Variants in EDAR observed in about 807,000 individuals in gnomAD.
EDAR encodes ectodysplasin A receptor.
Under a neutral mutation model 51.3 loss-of-function variants are expected in EDAR, and 38 were observed. That is an observed-to-expected ratio of 0.74 (90% confidence interval 0.57 to 0.97). EDAR has a LOEUF of 0.97. EDAR is among the 50% of genes least tolerant of loss of function. The pLI is 0.00. For missense variants in EDAR, 528 were observed against 595.0 expected (o/e 0.89, Z 1.17); for synonymous variants, 227 against 242.1 (o/e 0.94, Z 0.58).
intron 1 of EDAR, among the ~76,000 whole-genome samples, chr2:108,968,603 A>G (rs758703934): frequency 4.1e-4 from 62 of 152,204 alleles, no homozygotes; most frequent in Non-Finnish European, 7.4e-4. Flanking sequence ...CCTCCTGATC[A>G]CAGGCATGGT....
At chr2:108,986,357 G>A (rs1239353302) in intron 1 of EDAR, among the ~76,000 whole-genome samples, 2 of 152,110 alleles carry the variant, frequency 1.3e-5, no homozygotes, top group African/African-American at 2.4e-5. Flanking sequence ...GGGCTGACAC[G>A]ACCCTGGGAA....
chr2:108,949,253 A>G (rs1697776812), intron 1 of EDAR, among the ~76,000 whole-genome samples: 1 of 152,194 alleles, frequency 6.6e-6, no homozygotes, highest in African/African-American at 2.4e-5. Context: ...AAGTGCTAGG[A>G]TTACAGGTGT....
At chr2:108,944,162 G>A (rs1697667906) in intron 1 of EDAR, among the ~76,000 whole-genome samples, 1 of 152,168 alleles carries the variant, frequency 6.6e-6, no homozygotes. Flanking sequence ...CAGCCAGGCT[G>A]GAGTGCAGTG....
At chr2:108,964,465 T>C (rs1165717530) in intron 1 of EDAR, among the ~76,000 whole-genome samples, 2 of 151,906 alleles carry the variant, frequency 1.3e-5, no homozygotes, top group African/African-American at 4.8e-5. Flanking sequence ...ACCCAAAATA[T>C]GAGAAATAAA....
intron 4 of EDAR, among the ~76,000 whole-genome samples, chr2:108,927,011 C>G (rs866953335): frequency 6.6e-6 from 1 of 152,194 alleles, no homozygotes; most frequent in African/African-American, 2.4e-5. Context: ...GCAGCATGAG[C>G]CCCTGAGAGG....
At chr2:108,909,622 G>T (rs1179329885) in intron 9 of EDAR, among the ~76,000 whole-genome samples, 1 of 152,230 alleles carries the variant, frequency 6.6e-6, no homozygotes, top group African/African-American at 2.4e-5. Context: ...CCTGGCAGGG[G>T]GGTCCGAGCA....
intron 4 of EDAR, 74 bp downstream of exon 4, chr2:108,929,124 A>G: frequency 6.4e-7 from 1 of 1,567,742 alleles, no homozygotes; most frequent in Admixed American, 1.7e-5. Context: ...CCTGTTCCCA[A>G]GGTCCTTGCC....
chr2:108,911,766 T>C (rs1696932961), intron 6 of EDAR, among the ~76,000 whole-genome samples: 1 of 151,926 alleles, frequency 6.6e-6, no homozygotes, highest in South Asian at 2.1e-4. Flanking sequence ...ACCACCCAAA[T>C]AGACAGGAGA....
At chr2:108,963,788 C>T (rs914702931) in intron 1 of EDAR, among the ~76,000 whole-genome samples, 2 of 152,218 alleles carry the variant, frequency 1.3e-5, no homozygotes, top group African/African-American at 4.8e-5. Context: ...CAAAGAGGGA[C>T]CCTTCCATCT....
chr2:108,979,454 GTC>G (rs1286163002), intron 1 of EDAR, among the ~76,000 whole-genome samples: 1 of 116,382 alleles, frequency 8.6e-6, no homozygotes, highest in African/African-American at 4.0e-5. Flanking sequence ...CTCTGTCTCT[GTC>G]TCTCTCTCTC....
chr2:108,910,905 GA>G, intron 7 of EDAR, 41 bp downstream of exon 7: 1 of 1,613,968 alleles, frequency 6.2e-7, no homozygotes, highest in South Asian at 1.1e-5. Flanking sequence ...GGAGTTGACG[GA>G]GAGTCCAGGA....
chr2:108,960,789 G>A (rs564864884), intron 1 of EDAR, among the ~76,000 whole-genome samples: 6 of 152,152 alleles, frequency 3.9e-5, no homozygotes, highest in Admixed American at 1.3e-4. Flanking sequence ...GAGTCATATC[G>A]TATATTGAGT....
intron 5 of EDAR, among the ~76,000 whole-genome samples, chr2:108,913,595 G>A (rs2105407928): frequency 6.6e-6 from 1 of 152,086 alleles, no homozygotes. Flanking sequence ...GCATCAGTTT[G>A]AAATAATAGC....
chr2:108,972,724 G>A (rs189494870), intron 1 of EDAR, among the ~76,000 whole-genome samples: 4 of 152,348 alleles, frequency 2.6e-5, no homozygotes, highest in Admixed American at 2.6e-4. Context: ...CATCTGATTT[G>A]TCAGTCACAA....
chr2:108,949,653 G>T (rs1199575290), intron 1 of EDAR, among the ~76,000 whole-genome samples: 1 of 152,180 alleles, frequency 6.6e-6, no homozygotes, highest in African/African-American at 2.4e-5. Flanking sequence ...TCTGAGGTTG[G>T]AGGATTGGTT....
At chr2:108,970,951 C>T (rs1229091868) in intron 1 of EDAR, among the ~76,000 whole-genome samples, 2 of 152,130 alleles carry the variant, frequency 1.3e-5, no homozygotes, top group East Asian at 1.9e-4. Context: ...AGCAAAACAA[C>T]CTAATTTGTG....
intron 11 of EDAR, among the ~76,000 whole-genome samples, chr2:108,904,988 G>A (rs1696774005): frequency 6.6e-6 from 1 of 152,174 alleles, no homozygotes; most frequent in Non-Finnish European, 1.5e-5. Flanking sequence ...GGATCTCTCT[G>A]TATTATCTCT....
chr2:108,932,528 C>CAAAAAAAA (rs1171012818), intron 1 of EDAR, among the ~76,000 whole-genome samples: 4 of 39,150 alleles, frequency 1.0e-4, no homozygotes, highest in African/African-American at 3.0e-4. Context: ...GACTCTGTCT[C>CAAAAAAAA]AAAAAAAAAA....
Position 108,912,722 on chromosome 2 carries a change from G to T in EDAR, c.485C>A (p.Thr162Asn). Residue 162 changes from threonine to asparagine, a missense_variant, in exon 6 of 12, where the codon ACC becomes AAC. Coordinates refer to ENST00000258443, the MANE Select transcript of EDAR (RefSeq NM_022336.4). Reference sequence around the variant, plus strand: ...GGGAGACAGGGTGCTGCTGCCCGAGGTGCCAGGGAAGTTGGCAGAAGCTCC... The same window carrying T: ...GGGAGACAGGGTGCTGCTGCCCGAGTTGCCAGGGAAGTTGGCAGAAGCTCC... ...TSGASANFPG[T>N]SGSSTLSPFQ... 6.2e-7 allele frequency: 1 copy of T among 1,603,166 alleles called. No individual in the cohort carries two copies. The highest frequency in any genetic ancestry group is 1.1e-5 in the South Asian group (1 of 88,190).
Sources: allele counts gnomAD v4.1 joint callset (sites outside exome capture counted in the v4.1 genomes callset), GRCh38; gene constraint gnomAD v4.1.1; transcripts MANE v1.5; gene names NCBI Gene and HGNC (gene_info 2026-07-23, HGNC 2026-07-21).